Variants in PTPRD observed in about 807,000 individuals in gnomAD.
The protein encoded by PTPRD is protein tyrosine phosphatase receptor type D, also known as receptor-type tyrosine-protein phosphatase delta.
PTPRD carries 34 observed loss-of-function variants against 214.5 expected under a neutral mutation model. The ratio of observed to expected loss-of-function variants is 0.16; its 90% CI spans 0.12 to 0.21. PTPRD has a LOEUF of 0.21. PTPRD is among the 10% of genes least tolerant of loss of function. PTPRD has a pLI of 1.00. For synonymous variants in PTPRD, 1,128 were observed against 845.7 expected (o/e 1.33, Z -5.79); for missense variants, 2,545 against 2,398.7 (o/e 1.06, Z -1.27).
chr9:9,142,501 A>G (rs1196789935), intron 10 of PTPRD, among the ~76,000 whole-genome samples: 1 of 152,230 alleles, frequency 6.6e-6, no homozygotes, highest in Non-Finnish European at 1.5e-5. Flanking sequence ...GATGAAATCA[A>G]TTCTTAGAAA....
At chr9:9,479,534 A>G (rs1200268524) in intron 8 of PTPRD, among the ~76,000 whole-genome samples, 1 of 152,156 alleles carries the variant, frequency 6.6e-6, no homozygotes, top group African/African-American at 2.4e-5. Flanking sequence ...TGCCAATTTT[A>G]CAAGTACTAA....
chr9:8,333,081 C>T (rs1410362749), intron 43 of PTPRD, among the ~76,000 whole-genome samples: 33 of 152,132 alleles, frequency 2.2e-4, no homozygotes, highest in Admixed American at 2.2e-3. Context: ...AGATTCCTGA[C>T]TGATGTTATT....
At chr9:9,009,063 A>C (rs1354932608) in intron 11 of PTPRD, among the ~76,000 whole-genome samples, 1 of 152,178 alleles carries the variant, frequency 6.6e-6, no homozygotes, top group Non-Finnish European at 1.5e-5. Context: ...AAACCCATAT[A>C]ATCAGGCTAA....
intron 3 of PTPRD, among the ~76,000 whole-genome samples, chr9:10,135,211 G>A (rs780803240): frequency 2.6e-5 from 4 of 152,028 alleles, no homozygotes; most frequent in Non-Finnish European, 5.9e-5. Context: ...CAAAACCTTT[G>A]GAAATTACAG....
chr9:9,644,642 C>T (rs192683749), intron 7 of PTPRD, among the ~76,000 whole-genome samples: 75 of 152,246 alleles, frequency 4.9e-4, no homozygotes, highest in African/African-American at 1.8e-3. Flanking sequence ...AAGGCCCTGG[C>T]CTTAAGGCTG....
At chr9:8,866,119 T>C (rs895594978) in intron 11 of PTPRD, among the ~76,000 whole-genome samples, 4 of 152,184 alleles carry the variant, frequency 2.6e-5, no homozygotes, top group Non-Finnish European at 5.9e-5. Context: ...GTTATCCTGA[T>C]TTTCAAAACT....
intron 3 of PTPRD, among the ~76,000 whole-genome samples, chr9:10,157,271 G>A (rs535973021): frequency 3.9e-5 from 6 of 152,268 alleles, no homozygotes; most frequent in Non-Finnish European, 5.9e-5. Context: ...ATTGATAAAG[G>A]TCTTTCCTTT....
intron 2 of PTPRD, among the ~76,000 whole-genome samples, chr9:10,541,575 A>G (rs2059119941): frequency 6.6e-6 from 1 of 151,840 alleles, no homozygotes; most frequent in African/African-American, 2.4e-5. Context: ...TAATTGTGTC[A>G]ATAAAGAAAA....
intron 3 of PTPRD, among the ~76,000 whole-genome samples, chr9:10,073,881 T>A (rs1051828598): frequency 4.6e-5 from 7 of 152,164 alleles, no homozygotes; most frequent in African/African-American, 1.7e-4. Flanking sequence ...GTGACTAATT[T>A]TCTTAAAATA....
intron 2 of PTPRD, among the ~76,000 whole-genome samples, chr9:10,429,568 G>C (rs553415813): frequency 6.6e-6 from 1 of 151,804 alleles, no homozygotes; most frequent in Admixed American, 6.6e-5. Flanking sequence ...AGTGAAACAA[G>C]CCAGGCCCAG....
chr9:8,481,158 A>T (rs1431521095), intron 30 of PTPRD, among the ~76,000 whole-genome samples: 1 of 151,268 alleles, frequency 6.6e-6, no homozygotes, highest in Admixed American at 6.6e-5. Flanking sequence ...AAAAAAAAAA[A>T]AAAAAAAATA....
At chr9:9,890,010 G>C (rs970451663) in intron 5 of PTPRD, among the ~76,000 whole-genome samples, 15 of 152,060 alleles carry the variant, frequency 9.9e-5, no homozygotes, top group Admixed American at 9.8e-4. Flanking sequence ...AGTAAGCCAT[G>C]AATCCACCCT....
intron 10 of PTPRD, among the ~76,000 whole-genome samples, chr9:9,172,224 T>C (rs1295058593): frequency 1.3e-5 from 2 of 152,058 alleles, no homozygotes; most frequent in African/African-American, 2.4e-5. Context: ...ACAAAATGAG[T>C]GCTGCATGAA....
At chr9:9,327,819 C>G (rs533849022) in intron 9 of PTPRD, among the ~76,000 whole-genome samples, 2 of 151,572 alleles carry the variant, frequency 1.3e-5, no homozygotes, top group African/African-American at 4.8e-5. Flanking sequence ...GGTGTCCAAT[C>G]TTTTGGCTTC....
chr9:9,732,122 G>A (rs922125839), intron 7 of PTPRD, among the ~76,000 whole-genome samples: 2 of 151,984 alleles, frequency 1.3e-5, no homozygotes, highest in African/African-American at 4.8e-5. Flanking sequence ...TAGGAAATGG[G>A]GATACGAGCA....
At chr9:9,752,823 A>G (rs955150642) in intron 6 of PTPRD, among the ~76,000 whole-genome samples, 1 of 152,076 alleles carries the variant, frequency 6.6e-6, no homozygotes, top group African/African-American at 2.4e-5. Context: ...ACAAGTCATT[A>G]AAGCCCTAAA....
At chr9:8,687,255 A>C (rs1430590540) in intron 12 of PTPRD, among the ~76,000 whole-genome samples, 1 of 152,210 alleles carries the variant, frequency 6.6e-6, no homozygotes, top group East Asian at 1.9e-4. Context: ...TTTGGTTTCA[A>C]AGCGCTTTCT....
At chr9:9,692,244 T>A (rs1595366692) in intron 7 of PTPRD, among the ~76,000 whole-genome samples, 2 of 152,112 alleles carry the variant, frequency 1.3e-5, no homozygotes, top group Non-Finnish European at 2.9e-5. Context: ...CTTGTAGTAG[T>A]ATCATAGTTT....
chr9:9,537,672 A>G (rs2076795933), intron 8 of PTPRD, among the ~76,000 whole-genome samples: 1 of 151,962 alleles, frequency 6.6e-6, no homozygotes, highest in African/African-American at 2.4e-5. Context: ...TGTTGTTTAG[A>G]TATCACCTAA....
Sources: allele counts gnomAD v4.1 joint callset (sites outside exome capture counted in the v4.1 genomes callset), GRCh38; gene constraint gnomAD v4.1.1; transcripts MANE v1.5; gene names NCBI Gene and HGNC (gene_info 2026-07-23, HGNC 2026-07-21).